Variants in ARHGAP25 observed in about 807,000 individuals in gnomAD.
ARHGAP25 encodes the protein rho GTPase-activating protein 25.
Under a neutral mutation model 71.0 loss-of-function variants are expected in ARHGAP25, and 34 were observed. That is an observed-to-expected ratio of 0.48 (90% CI 0.36 to 0.64). The LOEUF (loss-of-function observed/expected upper bound fraction) is 0.64. Ranked by LOEUF, ARHGAP25 falls within the 30% of genes least tolerant of loss-of-function variation. The pLI is 0.00. For synonymous variants in ARHGAP25, 282 were observed against 296.5 expected, an observed-to-expected ratio of 0.95 and a Z score of 0.50; for missense variants, 706 against 805.1, an observed-to-expected ratio of 0.88 and a Z score of 1.49.
In ARHGAP25 at chr2:68,815,443, CTTTTT is replaced by C. The variant is rs796100406; in HGVS notation, c.808-825_808-821del. 5.0e-4 allele frequency among the ~76,000 whole-genome samples: 31 copies of C among 62,332 alleles called. No homozygotes were observed. In the South Asian group the frequency reaches 5.2e-3, roughly 11 times the overall value. 40.9% of individuals were successfully genotyped at this position (62,332 alleles called of 152,430 possible). On this transcript the variant is annotated intron_variant, in intron 6 of 10. Coordinates refer to ENST00000409202, the MANE Select transcript of ARHGAP25 (RefSeq NM_001007231.3). ...CACCGGCATGTGAATTGTGTACTCT[CTTTTT>C]TTTTTTTTTTTTTTTTTTTTGAGAT...
intron 4 of ARHGAP25, among the ~76,000 whole-genome samples, chr2:68,802,420 A>AT (rs1680037931): frequency 1.3e-5 from 2 of 151,686 alleles, no homozygotes; most frequent in East Asian, 3.9e-4. Flanking sequence ...AAAAAAAAAA[A>AT]AAAAAAAAAG....
rs551190718 is a variant in ARHGAP25, at chr2:68,734,933, G to A, written c.-267G>A. On this transcript the variant is annotated 5_prime_UTR_variant, in exon 1 of 11. Transcript: ENST00000409202. ...TCTGGTAAAACTGAAAGCAAGAAAA[G>A]CAGGGTGCTAGCCCCTGTGGGACTG... 334 of 483,534 alleles carry A rather than the reference G, an allele frequency of 6.9e-4. 6 individuals are homozygous for A. The South Asian group carries it at 0.011, about 16-fold the overall frequency. The allele number at this position is 483,534 out of a possible 1,614,324, so 30.0% of individuals were successfully genotyped here. A position where few individuals can be genotyped will look rare whatever the true frequency, so the allele number is the denominator to read the frequency against.
At position 68,819,230 on chromosome 2, in the gene ARHGAP25, C is replaced by G. The variant is rs576454977; in HGVS notation, c.1111C>G (p.Pro371Ala). Residue 371 changes from proline to alanine, a missense_variant, in exon 9 of 11, where the codon CCC becomes GCC. Coordinates refer to ENST00000409202, the MANE Select transcript of ARHGAP25 (RefSeq NM_001007231.3). ...PLSPPAQKND[P>A]KKAPVARSSV... ...GTCACCCCCTGCCCAGAAAAATGAC[C>G]CCAAGAAAGCTCCAGTGGCCCGAAG... 11 of 1,614,116 alleles carry G rather than the reference C, an allele frequency of 6.8e-6. No individual in the cohort carries two copies. Among genetic ancestry groups the G allele is most frequent in the Non-Finnish European group, 9.3e-6 (11 of 1,180,016 alleles).
rs750468179 is a variant in ARHGAP25, at chr2:68,735,166, G to A, written c.-34G>A. ...GGGCGCAAACTGTGACAGACTCACC[G>A]CTTCACTAACTACTCACTTAAACTG... On this transcript the variant is annotated 5_prime_UTR_variant, in exon 1 of 11. Transcript: ENST00000409202. 6.9e-5 allele frequency: 109 copies of A among 1,579,954 alleles called. 1 individual carries two copies. The highest frequency in any genetic ancestry group is 6.7e-4 in the South Asian group (61 of 90,376).
chr2:68,732,020 A>G (rs1444023790), upstream of ARHGAP25, among the ~76,000 whole-genome samples: 1 of 152,240 alleles, frequency 6.6e-6, no homozygotes, highest in Non-Finnish European at 1.5e-5. Flanking sequence ...AAATCCGCTT[A>G]TCATTCAACA....
At chr2:68,787,468 T>A (rs1678839525) in intron 3 of ARHGAP25, among the ~76,000 whole-genome samples, 1 of 152,238 alleles carries the variant, frequency 6.6e-6, no homozygotes, top group Non-Finnish European at 1.5e-5. Flanking sequence ...TATCCACGGT[T>A]GGCGTGATGA....
At chr2:68,747,833 T>G (rs1193393857) in intron 1 of ARHGAP25, among the ~76,000 whole-genome samples, 1 of 152,214 alleles carries the variant, frequency 6.6e-6, no homozygotes, top group African/African-American at 2.4e-5. Context: ...GAAAAGACTT[T>G]TGGATTCACC....
At chr2:68,773,553 A>G (rs1677628352) in intron 1 of ARHGAP25, among the ~76,000 whole-genome samples, 2 of 152,210 alleles carry the variant, frequency 1.3e-5, no homozygotes, top group Admixed American at 1.3e-4. Flanking sequence ...GTTGGTTACA[A>G]TGTTCAATAT....
upstream of ARHGAP25, among the ~76,000 whole-genome samples, chr2:68,731,322 G>T (rs540022170): frequency 6.6e-6 from 1 of 152,022 alleles, no homozygotes; most frequent in Admixed American, 6.5e-5. Flanking sequence ...GGGATCTTGG[G>T]TGCCTCTTTT....
intron 1 of ARHGAP25, among the ~76,000 whole-genome samples, chr2:68,771,857 G>A (rs1439974903): frequency 6.6e-6 from 1 of 152,168 alleles, no homozygotes; most frequent in Non-Finnish European, 1.5e-5. Context: ...TAGAGTGAGT[G>A]GTATCCTTTA....
At chr2:68,748,967 C>A (rs1675996851) in intron 1 of ARHGAP25, among the ~76,000 whole-genome samples, 1 of 152,098 alleles carries the variant, frequency 6.6e-6, no homozygotes, top group South Asian at 2.1e-4. Flanking sequence ...GAGAATTAAA[C>A]CTCAGTTTTG....
chr2:68,804,186 C>T (rs919488117), intron 4 of ARHGAP25, among the ~76,000 whole-genome samples: 1 of 152,142 alleles, frequency 6.6e-6, no homozygotes, highest in Non-Finnish European at 1.5e-5. Flanking sequence ...AGCTTGGCCC[C>T]AAATCATCTG....
At chr2:68,755,076 G>T (rs1332319802) in intron 1 of ARHGAP25, among the ~76,000 whole-genome samples, 1 of 152,080 alleles carries the variant, frequency 6.6e-6, no homozygotes, top group East Asian at 1.9e-4. Context: ...TGCTTTTGGT[G>T]TCAAGAGTTG....
chr2:68,747,643 C>T (rs980357694), intron 1 of ARHGAP25, among the ~76,000 whole-genome samples: 18 of 152,196 alleles, frequency 1.2e-4, no homozygotes, highest in South Asian at 4.1e-4. Flanking sequence ...GAATATCTCA[C>T]GGGCTTCCCT....
intron 2 of ARHGAP25, among the ~76,000 whole-genome samples, chr2:68,714,102 A>G (rs1480640276): frequency 1.3e-5 from 2 of 148,168 alleles, no homozygotes; most frequent in African/African-American, 2.5e-5. Context: ...TTGGCTGTGA[A>G]TCCGTCTGGT....
intron 1 of ARHGAP25, among the ~76,000 whole-genome samples, chr2:68,764,610 G>A (rs1677017089): frequency 6.6e-6 from 1 of 152,148 alleles, no homozygotes; most frequent in Non-Finnish European, 1.5e-5. Flanking sequence ...TTTTTGTCTG[G>A]CCTGACTTTG....
chr2:68,743,246 G>A (rs796188909), intron 1 of ARHGAP25, among the ~76,000 whole-genome samples: 11 of 152,162 alleles, frequency 7.2e-5, no homozygotes, highest in East Asian at 1.9e-4. Flanking sequence ...ACTGTCATGC[G>A]TACCTCTGGC....
intron 7 of ARHGAP25, 200 bp downstream of exon 7, chr2:68,816,562 C>T (rs1171574443): frequency 1.0e-5 from 6 of 573,284 alleles, no homozygotes; most frequent in African/African-American, 1.9e-5. Flanking sequence ...AAAAAATGAA[C>T]GTGCTCCCCC....
chr2:68,726,856 C>T (rs1006635862), intron 2 of ARHGAP25, among the ~76,000 whole-genome samples: 21 of 152,178 alleles, frequency 1.4e-4, no homozygotes, highest in African/African-American at 4.8e-4. Flanking sequence ...TCTTCCTCTG[C>T]CAGGTCTGCC....
Sources: allele counts gnomAD v4.1 joint callset (sites outside exome capture counted in the v4.1 genomes callset), GRCh38; gene constraint gnomAD v4.1.1; transcripts MANE v1.5; gene names NCBI Gene and HGNC (gene_info 2026-07-23, HGNC 2026-07-21).